Variants in MYOF observed in about 807,000 individuals in gnomAD.
MYOF encodes fer-1-like 3, myoferlin.
A neutral mutation model predicts 284.2 loss-of-function variants in MYOF; 244 were observed. The ratio of observed to expected loss-of-function variants is 0.86; its 90% confidence interval spans 0.77 to 0.95. The LOEUF (loss-of-function observed/expected upper bound fraction) is 0.95, where lower values mean the gene tolerates loss of function less well. Among genes scored for constraint, MYOF ranks in the 40% least tolerant of loss-of-function variants. The probability of loss-of-function intolerance (pLI) is 0.00; values close to 1 mark genes in which losing one functional copy is unlikely to be tolerated. For missense variants in MYOF, 2,496 were observed against 2,560.6 expected (o/e 0.97, Z 0.54); for synonymous variants, 904 against 919.7 (o/e 0.98, Z 0.31).
intron 3 of MYOF, among the ~76,000 whole-genome samples, chr10:93,435,743 T>C (rs1423712219): frequency 6.6e-6 from 1 of 152,080 alleles, no homozygotes; most frequent in African/African-American, 2.4e-5. Context: ...GGAGGATCAC[T>C]TGAGTCCAAG....
chr10:93,403,035 G>T, intron 9 of MYOF, 145 bp from the exon 10 acceptor site: 2 of 677,868 alleles, frequency 3.0e-6, no homozygotes, highest in Non-Finnish European at 5.1e-6. Flanking sequence ...TATCCTCTCT[G>T]TATCCCCAGT....
chr10:93,361,536 G>T lies in MYOF; in HGVS notation c.2890C>A (p.Pro964Thr). 6.2e-7 allele frequency: 1 copy of T among 1,614,184 alleles called. No homozygotes were observed. The highest frequency in any genetic ancestry group is 1.1e-5 in the South Asian group (1 of 91,082). ...TDANGDKAASPSELTCPPGWE... is the reference protein window; with the variant it reads ...TDANGDKAASTSELTCPPGWE... ...CCTGGAGGACAAGTCAACTCGCTGG[G>T]TGATGCTGCTTTATCGCCGTTCTTA... The change falls in exon 28 of 54, where the codon CCC becomes ACC. Residue 964 changes from proline to threonine, a missense_variant. Pro to Thr is a conservative substitution (Grantham distance 38). Around this residue, in one of 3 missense-constraint regions of MYOF, gnomAD observed 2,436 missense variants for 2,480.7 expected, o/e 0.98. Transcript: ENST00000359263.
intron 3 of MYOF, among the ~76,000 whole-genome samples, chr10:93,434,126 T>C (rs1018507566): frequency 6.6e-6 from 1 of 151,926 alleles, no homozygotes; most frequent in Non-Finnish European, 1.5e-5. Flanking sequence ...CCTTCTAATA[T>C]CACAAGCAGA....
chr10:93,381,880 T>C (rs1345796016), intron 19 of MYOF, among the ~76,000 whole-genome samples: 2 of 151,904 alleles, frequency 1.3e-5, no homozygotes, highest in East Asian at 3.9e-4. Flanking sequence ...CTACTAAAAA[T>C]ACAAAAATTA....
intron 1 of MYOF, among the ~76,000 whole-genome samples, chr10:93,476,101 C>T (rs1321663270): frequency 6.6e-6 from 1 of 152,062 alleles, no homozygotes; most frequent in Admixed American, 6.6e-5. Context: ...GTGTGATTAT[C>T]AGTTTGAGCT....
intron 27 of MYOF, 42 bp downstream of exon 27, chr10:93,363,919 G>A (rs756642986): frequency 6.3e-7 from 1 of 1,580,664 alleles, no homozygotes; most frequent in Non-Finnish European, 8.7e-7. Flanking sequence ...ATCACGATCA[G>A]AGGTGACAGG....
At chr10:93,418,343 A>T (rs1048380537) in intron 5 of MYOF, among the ~76,000 whole-genome samples, 10 of 152,136 alleles carry the variant, frequency 6.6e-5, no homozygotes, top group Admixed American at 6.6e-4. Flanking sequence ...ATGTAGAATA[A>T]TTTTTTTCTG....
At chr10:93,466,444 T>C (rs1044430970) in intron 1 of MYOF, among the ~76,000 whole-genome samples, 3 of 152,188 alleles carry the variant, frequency 2.0e-5, no homozygotes, top group East Asian at 1.9e-4. Context: ...ACCTTTCAGA[T>C]GTACAGGCTC....
chr10:93,339,769 C>G (rs1843803302), intron 39 of MYOF, among the ~76,000 whole-genome samples: 1 of 151,944 alleles, frequency 6.6e-6, no homozygotes, highest in Non-Finnish European at 1.5e-5. Flanking sequence ...GTGCCCGGCC[C>G]CCCTAGATTT....
At chr10:93,396,694 G>A (rs1228532820) in intron 15 of MYOF, among the ~76,000 whole-genome samples, 2 of 152,260 alleles carry the variant, frequency 1.3e-5, no homozygotes, top group South Asian at 2.1e-4. Context: ...TGATGGTAAC[G>A]ATATTTGTCA....
intron 5 of MYOF, among the ~76,000 whole-genome samples, chr10:93,410,436 A>T (rs1387424815): frequency 6.6e-5 from 10 of 152,024 alleles, no homozygotes; most frequent in Admixed American, 6.6e-4. Context: ...CTACCTCCTG[A>T]ATATTTGCAG....
intron 3 of MYOF, among the ~76,000 whole-genome samples, chr10:93,441,995 TG>T (rs2056276729): frequency 1.2e-5 from 1 of 82,336 alleles, no homozygotes; most frequent in South Asian, 4.1e-4. Flanking sequence ...GCCCTCAACC[TG>T]AACACACACA....
intron 5 of MYOF, 64 bp from the exon 6 acceptor site, chr10:93,409,803 G>A (rs1448307836): frequency 6.3e-7 from 1 of 1,575,744 alleles, no homozygotes; most frequent in African/African-American, 1.4e-5. Flanking sequence ...CAAAGGCTCA[G>A]GTTTCCAGGA....
At chr10:93,478,825 CAAAAAA>C (rs796689657) in intron 1 of MYOF, among the ~76,000 whole-genome samples, 7 of 103,650 alleles carry the variant, frequency 6.8e-5, no homozygotes, top group Non-Finnish European at 1.3e-4. Flanking sequence ...GAAACAGTCT[CAAAAAA>C]AAAAAAAAAA....
At chr10:93,427,212 C>G (rs866418597) in intron 4 of MYOF, among the ~76,000 whole-genome samples, 1 of 138,310 alleles carries the variant, frequency 7.2e-6, no homozygotes, top group Non-Finnish European at 1.6e-5. Flanking sequence ...CAAAACAAAA[C>G]AAAACAAAAA....
At chr10:93,363,064 A>C (rs1845151813) in intron 27 of MYOF, among the ~76,000 whole-genome samples, 1 of 152,224 alleles carries the variant, frequency 6.6e-6, no homozygotes, top group South Asian at 2.1e-4. Flanking sequence ...GGATTAAATG[A>C]ATTATAGTAG....
Position 93,365,796 on chromosome 10 carries a change from C to T in MYOF, c.2753+596G>A, listed in dbSNP as rs527456480. Among the ~76,000 whole-genome samples, 14 of 152,252 alleles carry T rather than the reference C, an allele frequency of 9.2e-5. No individual in the cohort carries two copies. In the South Asian group the frequency reaches 2.9e-3, roughly 32 times the overall value. ...GGAACACTAAGATAGTCTCTCTCTG[C>T]ACAGCAAAGGGCCAGCCTGCTTACT... On this transcript the variant is annotated intron_variant, in intron 26 of 53. Coordinates refer to ENST00000359263, the MANE Select transcript of MYOF (RefSeq NM_013451.4).
At chr10:93,459,926 T>C (rs925490247) in intron 1 of MYOF, among the ~76,000 whole-genome samples, 1 of 151,506 alleles carries the variant, frequency 6.6e-6, no homozygotes, top group Non-Finnish European at 1.5e-5. Context: ...CTTGGGGGGG[T>C]GGAGAACTGA....
intron 3 of MYOF, among the ~76,000 whole-genome samples, chr10:93,439,970 C>T (rs1382581613): frequency 2.6e-5 from 4 of 152,186 alleles, no homozygotes; most frequent in African/African-American, 9.7e-5. Context: ...CCTTCCCCAC[C>T]CTTAATACTA....
Sources: allele counts gnomAD v4.1 joint callset (sites outside exome capture counted in the v4.1 genomes callset), GRCh38; gene constraint gnomAD v4.1.1; regional missense constraint gnomAD v4.1.1; transcripts MANE v1.5; gene names NCBI Gene and HGNC (gene_info 2026-07-23, HGNC 2026-07-21).